ZSCAN5A: variants seen among roughly 807,000 people sequenced by gnomAD.
ZSCAN5A encodes the protein zinc finger and SCAN domain-containing protein 5A.
ZSCAN5A carries 12 observed loss-of-function variants against 23.7 expected under a neutral mutation model. The ratio of observed to expected loss-of-function variants is 0.51; its 90% CI spans 0.32 to 0.82. The LOEUF is 0.82. Among genes scored for constraint, ZSCAN5A ranks in the 40% least tolerant of loss-of-function variants. The pLI, the probability that ZSCAN5A is intolerant of heterozygous loss-of-function variation, is 0.03. For missense variants in ZSCAN5A, 597 were observed against 617.9 expected (o/e 0.97, Z 0.36); for synonymous variants, 257 against 239.9 (o/e 1.07, Z -0.66).
chr19:56,258,414 G>A (rs1446544744), intron 2 of ZSCAN5A, among the ~76,000 whole-genome samples: 1 of 141,272 alleles, frequency 7.1e-6, no homozygotes, highest in African/African-American at 3.2e-5. Context: ...CAGTGTGGGG[G>A]TGACGGACAC....
At chr19:56,308,341 T>TTTTTTTTTG (rs71184348) in intron 2 of ZSCAN5A, among the ~76,000 whole-genome samples, 5 of 150,070 alleles carry the variant, frequency 3.3e-5, no homozygotes, top group Non-Finnish European at 7.4e-5. Context: ...CTTTTTTTTT[T>TTTTTTTTTG]GAGATGGAGG....
At chr19:56,251,179 C>A (rs1275720706) in intron 2 of ZSCAN5A, among the ~76,000 whole-genome samples, 1 of 150,910 alleles carries the variant, frequency 6.6e-6, no homozygotes, top group African/African-American at 2.4e-5. Flanking sequence ...CCACTGATGA[C>A]CCTTGTGACT....
intron 2 of ZSCAN5A, among the ~76,000 whole-genome samples, chr19:56,311,199 C>G (rs1031874179): frequency 2.0e-5 from 3 of 151,990 alleles, no homozygotes; most frequent in African/African-American, 7.3e-5. Context: ...AAGCAAAATC[C>G]TCACTGCATT....
chr19:56,333,239 C>A (rs1404194288), intron 2 of ZSCAN5A, among the ~76,000 whole-genome samples: 4 of 151,986 alleles, frequency 2.6e-5, no homozygotes, highest in African/African-American at 7.3e-5. Context: ...TTAAATTATT[C>A]TCTCAAATAT....
At chr19:56,277,541 G>C (rs556148564) in intron 2 of ZSCAN5A, among the ~76,000 whole-genome samples, 1 of 151,868 alleles carries the variant, frequency 6.6e-6, no homozygotes, top group East Asian at 1.9e-4. Flanking sequence ...GTGAGGGGTG[G>C]GGGAATTTAG....
At chr19:56,353,987 T>C (rs1048261556) in intron 2 of ZSCAN5A, among the ~76,000 whole-genome samples, 1 of 152,098 alleles carries the variant, frequency 6.6e-6, no homozygotes, top group African/African-American at 2.4e-5. Context: ...TAATACATGG[T>C]ACCACATGGA....
At chr19:56,270,244 C>A (rs966155828) in intron 2 of ZSCAN5A, among the ~76,000 whole-genome samples, 1 of 151,928 alleles carries the variant, frequency 6.6e-6, no homozygotes, top group Non-Finnish European at 1.5e-5. Context: ...ATGGTGAAAC[C>A]CTGTCTCTAC....
intron 2 of ZSCAN5A, among the ~76,000 whole-genome samples, chr19:56,360,135 T>C (rs2041725735): frequency 6.6e-6 from 1 of 152,204 alleles, no homozygotes; most frequent in African/African-American, 2.4e-5. Flanking sequence ...AGTCAACTTG[T>C]CTTTGTTTGC....
chr19:56,278,145 G>A (rs1049958315), intron 2 of ZSCAN5A, among the ~76,000 whole-genome samples: 4 of 149,770 alleles, frequency 2.7e-5, no homozygotes, highest in South Asian at 2.1e-4. Context: ...TTTTGGAGAC[G>A]TAGTCTTGCT....
intron 2 of ZSCAN5A, among the ~76,000 whole-genome samples, chr19:56,278,101 A>ATTT (rs34892463): frequency 1.0e-4 from 15 of 144,862 alleles, no homozygotes; most frequent in African/African-American, 3.6e-4. Flanking sequence ...ACAATGTGCT[A>ATTT]TTTTTTTTTT....
At chr19:56,269,681 C>A (rs530154068) in intron 2 of ZSCAN5A, among the ~76,000 whole-genome samples, 36 of 152,230 alleles carry the variant, frequency 2.4e-4, no homozygotes, top group African/African-American at 8.4e-4. Flanking sequence ...CCATCGCTGG[C>A]CTGAAAATGG....
chr19:56,251,717 C>T (rs1156490436), intron 2 of ZSCAN5A, among the ~76,000 whole-genome samples: 1 of 152,170 alleles, frequency 6.6e-6, no homozygotes, highest in African/African-American at 2.4e-5. Context: ...CCTGCCCGCT[C>T]AGCCTGGCTA....
chr19:56,284,262 T>G (rs1014061170), intron 2 of ZSCAN5A: 1 of 844,264 alleles, frequency 1.2e-6, no homozygotes. Context: ...GCGGGAAATT[T>G]TGGGCTTTGC....
In ZSCAN5A at chr19:56,273,782, C is replaced by A. The variant is rs1051363921; in HGVS notation, c.-128+39501G>T. Among the ~76,000 whole-genome samples the A allele has an allele frequency of 5.1e-4, 78 of 152,160 alleles. 2 individuals carry two copies. The highest frequency in any genetic ancestry group is 1.6e-4 in the Non-Finnish European group (11 of 67,994). On this transcript the variant is annotated intron_variant, in intron 2 of 5. Transcript: ENST00000683990. ...AGAACAGACGGGGGCATGTGAGTCA[C>A]AGGAAAAATGTTGGATGTTATCCTC...
intron 2 of ZSCAN5A, chr19:56,247,298 G>A (rs926228221): frequency 6.7e-6 from 2 of 300,348 alleles, no homozygotes; most frequent in Non-Finnish European, 6.5e-6. Flanking sequence ...AGCCACACGG[G>A]GGAGAAGCCC....
chr19:56,289,171 G>C (rs1280223994), intron 2 of ZSCAN5A, among the ~76,000 whole-genome samples: 1 of 152,196 alleles, frequency 6.6e-6, no homozygotes. Flanking sequence ...CTCTGACCAT[G>C]CCTGATTTCA....
chr19:56,310,684 C>T (rs1248047614), intron 2 of ZSCAN5A, among the ~76,000 whole-genome samples: 2 of 152,166 alleles, frequency 1.3e-5, no homozygotes, highest in Admixed American at 1.3e-4. Flanking sequence ...TTGGGGCTGC[C>T]CCCACCGTCC....
In ZSCAN5A at chr19:56,295,355, A is replaced by G. The variant is rs572890985; in HGVS notation, c.-128+17928T>C. Among the ~76,000 whole-genome samples, 3 of 152,216 alleles carry G rather than the reference A, an allele frequency of 2.0e-5. No individual in the cohort carries two copies. The South Asian group carries it at 6.2e-4, about 32-fold the overall frequency. ...ACACCTGTAATCCCAGCACTTTGGG[A>G]GGCTGATGCGGGCGGATCACCTCAG... is the stretch of plus-strand genomic sequence containing the variant. On this transcript the variant is annotated intron_variant, in intron 2 of 5. Coordinates refer to ENST00000683990, the MANE Select transcript of ZSCAN5A (RefSeq NM_001322064.3).
chr19:56,320,842 G>A (rs143646956), intron 2 of ZSCAN5A: 68 of 776,872 alleles, frequency 8.8e-5, no homozygotes, highest in East Asian at 4.9e-5. Flanking sequence ...GTGCCCCCTC[G>A]CTTTCAAGTC....
Sources: gnomAD v4.1 joint callset for allele counts (sites outside exome capture counted in the v4.1 genomes callset) on GRCh38, gnomAD v4.1.1 for gene constraint, MANE v1.5 for transcripts, NCBI Gene and HGNC (gene_info 2026-07-23, HGNC 2026-07-21) for gene names.